Variants in CCDC9 observed in about 807,000 individuals in gnomAD.
The protein encoded by CCDC9 is coiled-coil domain-containing protein 9.
In CCDC9, 52 loss-of-function variants were observed where a neutral mutation model predicts 65.6. The ratio of observed to expected loss-of-function variants is 0.79; its 90% CI spans 0.63 to 1.00. CCDC9 has a LOEUF of 1.00. CCDC9 is among the 50% of genes least tolerant of loss of function. The pLI, the probability that CCDC9 is intolerant of heterozygous loss-of-function variation, is 0.00. For missense variants in CCDC9, 834 were observed against 757.2 expected (o/e 1.10, Z -1.19); for synonymous variants, 332 against 280.3 (o/e 1.18, Z -1.84).
At chr19:47,275,703 G>C (rs949850225), downstream of CCDC9, 1 of 320,058 alleles carries the variant, frequency 3.1e-6, no homozygotes, top group Non-Finnish European at 6.1e-6. Flanking sequence ...GCCTCGTGCT[G>C]TGTCTGTCCT....
chr19:47,273,503 C>G (rs568583015), downstream of CCDC9: 1 of 579,022 alleles, frequency 1.7e-6, no homozygotes. Context: ...GCACTAACCT[C>G]CCACCGCCTC....
At chr19:47,267,309 C>T (rs2059088745) in intron 8 of CCDC9, among the ~76,000 whole-genome samples, 1 of 152,118 alleles carries the variant, frequency 6.6e-6, no homozygotes, top group Non-Finnish European at 1.5e-5. Context: ...GAGTCTAGCT[C>T]TGTCGCCCAG....
rs755066857 is a variant in CCDC9, at chr19:47,258,581, C to G, written c.26C>G (p.Ser9Ter). ...CAGGCAGCCACACTCGATTTGAAATCAAAGGAGGAGAAGGATGCTGAGTTG... is the reference window on the plus strand; with the variant it reads ...CAGGCAGCCACACTCGATTTGAAATGAAAGGAGGAGAAGGATGCTGAGTTG... MAATLDLK[S>*]KEEKDAELDK... Residue 9 changes from serine to a stop codon, truncating the protein, a stop_gained, in exon 3 of 12, where the codon TCA (serine) becomes TGA (stop). Coordinates refer to ENST00000221922, the MANE Select transcript of CCDC9 (RefSeq NM_015603.3). LOFTEE classifies it high-confidence loss of function. 1 of 1,614,038 alleles carries G rather than the reference C, an allele frequency of 6.2e-7. No individual in the cohort carries two copies. The highest frequency in any genetic ancestry group is 1.3e-5 in the African/African-American group (1 of 75,012).
At chr19:47,272,861 C>T (rs1365326093), downstream of CCDC9, among the ~76,000 whole-genome samples, 2 of 152,152 alleles carry the variant, frequency 1.3e-5, no homozygotes, top group African/African-American at 2.4e-5. Flanking sequence ...CACCTACACT[C>T]CGTAGGAGTA....
downstream of CCDC9, among the ~76,000 whole-genome samples, chr19:47,272,540 T>A (rs1167087985): frequency 6.6e-6 from 1 of 152,010 alleles, no homozygotes; most frequent in Non-Finnish European, 1.5e-5. Flanking sequence ...GAGGATCGCT[T>A]GAACCTGGGA....
chr19:47,275,033 C>T (rs1241389182), downstream of CCDC9: 13 of 1,489,712 alleles, frequency 8.7e-6, no homozygotes, highest in Admixed American at 4.5e-5. Context: ...CCTACTTCCT[C>T]TGCGTCTCGC....
intron 5 of CCDC9, among the ~76,000 whole-genome samples, chr19:47,261,129 T>C (rs895475489): frequency 6.6e-6 from 1 of 152,030 alleles, no homozygotes; most frequent in African/African-American, 2.4e-5. Context: ...CTCGCCTTCC[T>C]TCCCTCCCCT....
At chr19:47,273,956 C>A (rs147440573), downstream of CCDC9, 93 of 984,122 alleles carry the variant, frequency 9.5e-5, no homozygotes, top group Non-Finnish European at 1.0e-4. Flanking sequence ...TTCCCTCCCC[C>A]CTCCCGCAGG....
downstream of CCDC9, among the ~76,000 whole-genome samples, chr19:47,272,545 C>T (rs1600294509): frequency 1.3e-5 from 2 of 152,010 alleles, no homozygotes; most frequent in East Asian, 3.9e-4. Flanking sequence ...TCGCTTGAAC[C>T]TGGGAGGCGG....
chr19:47,268,164 C>G (rs1048370053), intron 8 of CCDC9, among the ~76,000 whole-genome samples: 1 of 152,014 alleles, frequency 6.6e-6, no homozygotes, highest in African/African-American at 2.4e-5. Context: ...CTTCTTAACC[C>G]AGTGGCATTG....
intron 5 of CCDC9, among the ~76,000 whole-genome samples, chr19:47,261,452 A>C (rs34113951): frequency 6.6e-6 from 1 of 152,074 alleles, no homozygotes; most frequent in East Asian, 1.9e-4. Flanking sequence ...CTTACAGCCC[A>C]CCGTGGACAT....
intron 8 of CCDC9, among the ~76,000 whole-genome samples, chr19:47,269,727 G>C: frequency 6.6e-6 from 1 of 152,160 alleles, no homozygotes; most frequent in Non-Finnish European, 1.5e-5. Context: ...AACGTGGGAA[G>C]AACGTTCCAG....
intron 3 of CCDC9, among the ~76,000 whole-genome samples, chr19:47,259,957 C>G (rs1161661810): frequency 6.6e-6 from 1 of 152,176 alleles, no homozygotes; most frequent in Non-Finnish European, 1.5e-5. Flanking sequence ...AAAAGTGTTC[C>G]TGGCAGAGGG....
chr19:47,261,878 G>A (rs1278913461), intron 5 of CCDC9, among the ~76,000 whole-genome samples: 2 of 151,552 alleles, frequency 1.3e-5, no homozygotes, highest in Non-Finnish European at 2.9e-5. Context: ...AAAATTAGCC[G>A]GGTGTGGTGG....
At chr19:47,267,709 G>C (rs1019657479) in intron 8 of CCDC9, among the ~76,000 whole-genome samples, 1 of 152,172 alleles carries the variant, frequency 6.6e-6, no homozygotes, top group African/African-American at 2.4e-5. Flanking sequence ...ACCGGTGGCG[G>C]CAGGGACATC....
chr19:47,260,726 G>A lies in CCDC9; in HGVS notation c.349G>A (p.Gly117Arg), dbSNP rs764561669. Residue 117 changes from glycine to arginine, a missense_variant, in exon 5 of 12, where the codon GGG (glycine) becomes AGG (arginine). By Grantham distance (125) the Gly-to-Arg change is moderately radical. Coordinates refer to ENST00000221922, the MANE Select transcript of CCDC9 (RefSeq NM_015603.3). The part of the protein sequence containing the change: ...RASRSWEGSP[G>R]EQPRGGGAGG... Reference sequence around the variant, plus strand: ...ATCGCGCAGCTGGGAGGGCAGCCCCGGGGAGCAGCCTCGAGGAGGAGGAGC... The same window carrying A: ...ATCGCGCAGCTGGGAGGGCAGCCCCAGGGAGCAGCCTCGAGGAGGAGGAGC... 10 of 1,594,810 alleles carry A rather than the reference G, an allele frequency of 6.3e-6. No individual in the cohort carries two copies. Among genetic ancestry groups the A allele is most frequent in the East Asian group, 4.5e-5 (2 of 44,754 alleles).
intron 5 of CCDC9, among the ~76,000 whole-genome samples, chr19:47,263,154 C>T (rs376274403): frequency 6.6e-6 from 1 of 151,602 alleles, no homozygotes; most frequent in Non-Finnish European, 1.5e-5. Context: ...AAGGGGAGAA[C>T]GGATTGTGGT....
downstream of CCDC9, chr19:47,275,021 C>G: frequency 6.7e-7 from 1 of 1,485,620 alleles, no homozygotes; most frequent in African/African-American, 1.5e-5. Context: ...CTCCGGTATG[C>G]GCCTACTTCC....
chr19:47,275,112 G>C, downstream of CCDC9: 1 of 1,493,140 alleles, frequency 6.7e-7, no homozygotes, highest in Non-Finnish European at 8.9e-7. Flanking sequence ...CGCGGCACCC[G>C]CCGGCCCACA....
Sources: gnomAD v4.1 joint callset for allele counts (sites outside exome capture counted in the v4.1 genomes callset) on GRCh38, gnomAD v4.1.1 for gene constraint, MANE v1.5 for transcripts, NCBI Gene and HGNC (gene_info 2026-07-23, HGNC 2026-07-21) for gene names.